The following SCAF11 variants were observed in gnomAD, a reference collection of about 807,000 sequenced individuals.
The protein encoded by SCAF11 is protein SCAF11.
A neutral mutation model predicts 140.5 loss-of-function variants in SCAF11; 47 were observed. The ratio of observed to expected loss-of-function variants is 0.33; its 90% CI spans 0.26 to 0.43. The LOEUF is 0.43. SCAF11 is among the 20% of genes least tolerant of loss of function. The probability of loss-of-function intolerance (pLI) is 1.00; values close to 1 mark genes in which losing one functional copy is unlikely to be tolerated. For missense variants in SCAF11, 1,645 were observed against 1,705.1 expected (o/e 0.96, Z 0.62); for synonymous variants, 557 against 579.4 (o/e 0.96, Z 0.55).
At chr12:45,962,121 G>A (rs1945846979) in intron 2 of SCAF11, among the ~76,000 whole-genome samples, 1 of 152,052 alleles carries the variant, frequency 6.6e-6, no homozygotes, top group South Asian at 2.1e-4. Context: ...AAATTTAAGA[G>A]CAAATTTCTC....
intron 12 of SCAF11, 71 bp from the exon 13 acceptor site, chr12:45,923,225 A>G: frequency 7.6e-7 from 1 of 1,317,216 alleles, no homozygotes; most frequent in Non-Finnish European, 1.1e-6. Context: ...GATGCATTAG[A>G]AATAACATTA....
Position 45,921,910 on chromosome 12 carries a change from C to T in SCAF11, c.*138G>A, listed in dbSNP as rs1469310943. ...AGACCTATATTTATTTAGAACAAAA[C>T]ATCATATCCTATGTTAAAAAAATAA... On this transcript the variant is annotated 3_prime_UTR_variant, in exon 15 of 15. Transcript: ENST00000369367. 17 of 1,013,416 alleles carry T rather than the reference C, an allele frequency of 1.7e-5. 1 individual carries two copies. The East Asian group carries it at 4.0e-4, about 24-fold the overall frequency. 62.8% of individuals were successfully genotyped at this position (1,013,416 alleles called of 1,614,324 possible). A position where few individuals can be genotyped will look rare whatever the true frequency, so the allele number is the denominator to read the frequency against.
At chr12:45,929,484 G>T (rs972506199) in intron 10 of SCAF11, 1 of 152,092 alleles carries the variant, frequency 6.6e-6, no homozygotes. Flanking sequence ...TAAGCAAAAG[G>T]AGAGAGAAAA....
In SCAF11 at chr12:45,948,508, T is replaced by C. The variant is rs78987594; in HGVS notation, c.327A>G (p.Thr109=). ...ATGAGTTTTCATTTTTCTTGTCTTT[T>C]GTTTCTCTCAGCTGTTTTTTTACTT... ...KVQVKKQLRE[T]KDKKNENSFE... is the part of the protein sequence containing the mutation. The change falls in exon 5 of 15, where the codon ACA becomes ACG. Residue 109 remains threonine (T), a synonymous_variant. Coordinates refer to ENST00000369367, the MANE Select transcript of SCAF11 (RefSeq NM_004719.3). The C allele has an allele frequency of 8.8e-3, 14,172 of 1,611,214 alleles. 118 individuals carry two copies. The highest frequency in any genetic ancestry group is 0.034 in the Middle Eastern group (207 of 6,044).
chr12:45,944,741 G>T (rs1945378582), intron 6 of SCAF11, among the ~76,000 whole-genome samples: 1 of 152,192 alleles, frequency 6.6e-6, no homozygotes, highest in Admixed American at 6.5e-5. Context: ...AAAAACAGAA[G>T]ACAGGAATAT....
At chr12:45,975,654 T>C (rs1946217077) in intron 1 of SCAF11, 1 of 153,428 alleles carries the variant, frequency 6.5e-6, no homozygotes, top group Non-Finnish European at 1.4e-5. Flanking sequence ...TAAGAGAATG[T>C]TACGACTGGT....
At chr12:45,975,970 T>C (rs1234682390) in intron 1 of SCAF11, among the ~76,000 whole-genome samples, 2 of 152,128 alleles carry the variant, frequency 1.3e-5, no homozygotes, top group South Asian at 2.1e-4. Context: ...GAAAGAAACA[T>C]GAAGTAAACA....
upstream of SCAF11, among the ~76,000 whole-genome samples, chr12:45,991,075 A>T (rs1946598060): frequency 1.3e-5 from 2 of 152,300 alleles, no homozygotes; most frequent in South Asian, 4.1e-4. Flanking sequence ...GAGTGTCCGC[A>T]TGTTTGCGGT....
chr12:45,979,467 ATTTT>A (rs952683950), intron 1 of SCAF11, among the ~76,000 whole-genome samples: 1 of 152,188 alleles, frequency 6.6e-6, no homozygotes, highest in Non-Finnish European at 1.5e-5. Context: ...TTTAAACAAG[ATTTT>A]TAAAACTTTA....
At chr12:45,951,623 T>G (rs1259703961) in intron 4 of SCAF11, 27 bp downstream of exon 4, 3 of 1,406,752 alleles carry the variant, frequency 2.1e-6, no homozygotes, top group East Asian at 4.6e-5. Context: ...TTTTATATAA[T>G]TCATGTTGCA....
intron 10 of SCAF11, chr12:45,930,879 GT>G (rs1370223647): frequency 6.6e-6 from 1 of 151,656 alleles, no homozygotes; most frequent in Non-Finnish European, 1.5e-5. Context: ...CGATTTTTCT[GT>G]TTTTTCAGTG....
upstream of SCAF11, chr12:45,991,829 C>A: frequency 8.1e-7 from 1 of 1,227,574 alleles, no homozygotes; most frequent in Non-Finnish European, 1.0e-6. Context: ...CACCCACGCC[C>A]TTGTCCTGCT....
chr12:45,923,628 A>G (rs953347128), intron 12 of SCAF11, among the ~76,000 whole-genome samples: 1 of 151,958 alleles, frequency 6.6e-6, no homozygotes, highest in Non-Finnish European at 1.5e-5. Context: ...CAATTTCCCT[A>G]TTCCTTCAAC....
intron 4 of SCAF11, among the ~76,000 whole-genome samples, chr12:45,950,908 T>C (rs1411227019): frequency 6.6e-6 from 1 of 152,278 alleles, no homozygotes; most frequent in Admixed American, 6.5e-5. Context: ...GCATCACTTA[T>C]GTTTATATTG....
rs1240084545 is a variant in SCAF11, at chr12:45,926,564, T to A, written c.3137A>T (p.His1046Leu). The change falls in exon 11 of 15, where the codon CAT becomes CTT. Residue 1046 changes from histidine to leucine, a missense_variant. Coordinates refer to ENST00000369367, the MANE Select transcript of SCAF11 (RefSeq NM_004719.3). ...TRNPEKLKES[H>L]WEENRNENSG... is the part of the protein sequence containing the mutation. ...ATTTTCATTTCTATTTTCTTCCCAA[T>A]GAGACTCTTTCAACTTTTCTGGATT... is the stretch of plus-strand genomic sequence containing the variant. 1.2e-6 allele frequency: 2 copies of A among 1,613,354 alleles called. No individual in the cohort carries two copies. The highest frequency in any genetic ancestry group is 1.7e-6 in the Non-Finnish European group (2 of 1,179,866).
intron 1 of SCAF11, among the ~76,000 whole-genome samples, chr12:45,967,157 G>A (rs1407667491): frequency 2.6e-5 from 4 of 152,050 alleles, no homozygotes; most frequent in Non-Finnish European, 5.9e-5. Context: ...GGAGGCCGAG[G>A]TGGGAGGATC....
At chr12:45,938,273 T>G (rs952003939) in intron 6 of SCAF11, among the ~76,000 whole-genome samples, 1 of 152,142 alleles carries the variant, frequency 6.6e-6, no homozygotes, top group African/African-American at 2.4e-5. Context: ...GCGGATCACC[T>G]GAGGTCAGGA....
intron 1 of SCAF11, among the ~76,000 whole-genome samples, chr12:45,982,757 G>T (rs1365485599): frequency 6.6e-6 from 1 of 152,172 alleles, no homozygotes; most frequent in Non-Finnish European, 1.5e-5. Context: ...TGATCCCAGA[G>T]AATTTTTATA....
chr12:45,928,392 T>A lies in SCAF11; in HGVS notation c.1309A>T (p.Thr437Ser). ...VDSSNICTVQ[T>S]HVENQSANCL... ...TTAGCAGACTGGTTTTCTACATGAG[T>A]CTGCACAGTACAAATGTTACTACTG... Residue 437 changes from threonine to serine, a missense_variant, in exon 11 of 15, where the codon ACT becomes TCT. Thr to Ser is a moderately conservative substitution (Grantham distance 58). Transcript: ENST00000369367. 6.2e-7 allele frequency: 1 copy of A among 1,614,132 alleles called. No homozygotes were observed. The highest frequency in any genetic ancestry group is 8.5e-7 in the Non-Finnish European group (1 of 1,179,986).
Sources: gnomAD v4.1 joint callset for allele counts (sites outside exome capture counted in the v4.1 genomes callset) on GRCh38, gnomAD v4.1.1 for gene constraint, MANE v1.5 for transcripts, NCBI Gene and HGNC (gene_info 2026-07-23, HGNC 2026-07-21) for gene names.